EXOC6B: variants seen among roughly 807,000 people sequenced by gnomAD.
EXOC6B encodes SEC15 homolog B.
Under a neutral mutation model 113.5 loss-of-function variants are expected in EXOC6B, and 54 were observed. That is an observed-to-expected ratio of 0.48 (90% CI 0.38 to 0.60). The LOEUF is 0.60. Among genes scored for constraint, EXOC6B ranks in the 20% least tolerant of loss-of-function variants. EXOC6B has a pLI of 0.00. For missense variants in EXOC6B, 797 were observed against 977.5 expected, an observed-to-expected ratio of 0.82 and a Z score of 2.46; for synonymous variants, 357 against 339.0, an observed-to-expected ratio of 1.05 and a Z score of -0.58.
chr2:72,686,837 A>C (rs1677121394), intron 6 of EXOC6B, among the ~76,000 whole-genome samples: 1 of 152,130 alleles, frequency 6.6e-6, no homozygotes, highest in Non-Finnish European at 1.5e-5. Context: ...ATACATACTA[A>C]AAATCATAAA....
At chr2:72,229,357 G>A (rs1267710159) in intron 20 of EXOC6B, among the ~76,000 whole-genome samples, 4 of 152,200 alleles carry the variant, frequency 2.6e-5, no homozygotes, top group Non-Finnish European at 4.4e-5. Flanking sequence ...AAGAGAAGCA[G>A]GCGGAGATTA....
intron 18 of EXOC6B, among the ~76,000 whole-genome samples, chr2:72,443,678 C>T (rs1271288708): frequency 6.6e-6 from 1 of 152,182 alleles, no homozygotes; most frequent in Non-Finnish European, 1.5e-5. Flanking sequence ...GCATGTCTTA[C>T]ATACCGGCAG....
chr2:72,420,356 T>A (rs1434603164), intron 18 of EXOC6B, among the ~76,000 whole-genome samples: 2 of 152,108 alleles, frequency 1.3e-5, no homozygotes, highest in Non-Finnish European at 2.9e-5. Context: ...TCATCTACAT[T>A]AGGTATTTTT....
intron 21 of EXOC6B, among the ~76,000 whole-genome samples, chr2:72,183,371 C>G (rs2104219525): frequency 6.6e-6 from 1 of 152,338 alleles, no homozygotes; most frequent in East Asian, 1.9e-4. Context: ...TAATACATAG[C>G]ATTTCCCAGC....
intron 1 of EXOC6B, among the ~76,000 whole-genome samples, chr2:72,763,947 G>A (rs1290899533): frequency 6.6e-6 from 1 of 151,784 alleles, no homozygotes; most frequent in Non-Finnish European, 1.5e-5. Flanking sequence ...CGGGTGTGGT[G>A]GCATGCCTGT....
At chr2:72,278,534 CA>C (rs1186939430) in intron 20 of EXOC6B, among the ~76,000 whole-genome samples, 1 of 152,120 alleles carries the variant, frequency 6.6e-6, no homozygotes, top group African/African-American at 2.4e-5. Flanking sequence ...TCTCAATCAA[CA>C]ATCAGCCAAA....
chr2:72,559,626 C>A, intron 7 of EXOC6B, 105 bp from the exon 8 acceptor site: 1 of 799,446 alleles, frequency 1.3e-6, no homozygotes, highest in Non-Finnish European at 1.9e-6. Context: ...AAGGCCAGTT[C>A]TAGCTTGTAA....
chr2:72,619,838 C>T (rs1227072309), intron 6 of EXOC6B, among the ~76,000 whole-genome samples: 21 of 152,136 alleles, frequency 1.4e-4, no homozygotes, highest in Admixed American at 1.3e-3. Flanking sequence ...GGGGATCTCC[C>T]CAGGGAGCAG....
rs1349962584 is a variant in EXOC6B, at chr2:72,369,417, G to A, written c.2122+10312C>T. 3.9e-5 allele frequency among the ~76,000 whole-genome samples: 6 copies of A among 152,262 alleles called. 1 individual carries two copies. The South Asian group carries it at 6.2e-4, about 16-fold the overall frequency. ...CTCATGGGTAGGAAGAATCAATATC[G>A]TGAAAATGGCCATACTGCCCAAGGT... On this transcript the variant is annotated intron_variant, in intron 19 of 21. Coordinates refer to ENST00000272427, the MANE Select transcript of EXOC6B (RefSeq NM_015189.3).
At chr2:72,426,295 A>C (rs940954193) in intron 18 of EXOC6B, among the ~76,000 whole-genome samples, 2 of 152,150 alleles carry the variant, frequency 1.3e-5, no homozygotes, top group African/African-American at 4.8e-5. Flanking sequence ...TTGATCTCTT[A>C]AATCTCTTCC....
At chr2:72,749,199 T>C (rs1681886885) in intron 1 of EXOC6B, among the ~76,000 whole-genome samples, 1 of 152,138 alleles carries the variant, frequency 6.6e-6, no homozygotes, top group Non-Finnish European at 1.5e-5. Flanking sequence ...AGCCTGGTGA[T>C]ACTTATTGAC....
chr2:72,572,859 AT>A (rs991424294), intron 7 of EXOC6B, among the ~76,000 whole-genome samples: 15 of 152,158 alleles, frequency 9.9e-5, no homozygotes, highest in African/African-American at 3.4e-4. Context: ...ATAAGGTAGA[AT>A]TTTTTTTAAG....
chr2:72,799,149 A>C (rs576518764), intron 1 of EXOC6B, among the ~76,000 whole-genome samples: 54 of 147,872 alleles, frequency 3.7e-4, no homozygotes, highest in Non-Finnish European at 7.0e-4. Flanking sequence ...CTGAGGCAGG[A>C]GAATCGCTTG....
chr2:72,501,338 T>A lies in EXOC6B; in HGVS notation c.1168-1366A>T, dbSNP rs563015554. On this transcript the variant is annotated intron_variant, in intron 11 of 21. Coordinates refer to ENST00000272427, the MANE Select transcript of EXOC6B (RefSeq NM_015189.3). ...TGGCAAACCCACCCCTTGCCCTTGCTCCCTCTCTCACAATGTGACACACTA... is the reference window on the plus strand; with the variant it reads ...TGGCAAACCCACCCCTTGCCCTTGCACCCTCTCTCACAATGTGACACACTA... Among the ~76,000 whole-genome samples the A allele has an allele frequency of 8.5e-5, 13 of 152,178 alleles. No individual in the cohort carries two copies. The South Asian group carries it at 2.7e-3, about 32-fold the overall frequency.
chr2:72,427,602 G>A (rs879762023), intron 18 of EXOC6B, among the ~76,000 whole-genome samples: 28 of 152,210 alleles, frequency 1.8e-4, no homozygotes, highest in African/African-American at 6.8e-4. Flanking sequence ...CAAGCATTGT[G>A]GGGAACATGA....
At chr2:72,641,593 T>C (rs1471935285) in intron 6 of EXOC6B, among the ~76,000 whole-genome samples, 1 of 152,220 alleles carries the variant, frequency 6.6e-6, no homozygotes, top group Non-Finnish European at 1.5e-5. Context: ...ACTGCAGCTC[T>C]GCAAGGCTTG....
At chr2:72,815,218 C>T (rs1686159201) in intron 1 of EXOC6B, among the ~76,000 whole-genome samples, 1 of 150,910 alleles carries the variant, frequency 6.6e-6, no homozygotes, top group African/African-American at 2.4e-5. Context: ...GGGCCGGGTG[C>T]GGTGGCTCCC....
At chr2:72,300,490 C>T (rs1686440256) in intron 20 of EXOC6B, among the ~76,000 whole-genome samples, 1 of 152,176 alleles carries the variant, frequency 6.6e-6, no homozygotes, top group African/African-American at 2.4e-5. Flanking sequence ...AGCCAGACCA[C>T]GTGGCTGCCT....
At chr2:72,465,102 C>A (rs1487432446) in intron 18 of EXOC6B, 58 bp downstream of exon 18, 20 of 1,454,002 alleles carry the variant, frequency 1.4e-5, no homozygotes, top group Non-Finnish European at 1.8e-5. Context: ...TTTCACCAAA[C>A]TAAATTATAA....
Sources: gnomAD v4.1 joint callset for allele counts (sites outside exome capture counted in the v4.1 genomes callset) on GRCh38, gnomAD v4.1.1 for gene constraint, MANE v1.5 for transcripts, NCBI Gene and HGNC (gene_info 2026-07-23, HGNC 2026-07-21) for gene names.